Variants in LGSN observed in about 807,000 individuals in gnomAD.
LGSN encodes the protein lengsin.
A neutral mutation model predicts 19.5 loss-of-function variants in LGSN; 21 were observed. That is an observed-to-expected ratio of 1.07 (90% CI 0.76 to 1.55). The LOEUF is 1.55. LGSN is among the 40% of genes most tolerant of loss of function. LGSN has a pLI of 0.00. For missense variants in LGSN, 673 were observed against 608.5 expected (o/e 1.11, Z -1.12); for synonymous variants, 257 against 215.6 (o/e 1.19, Z -1.68).
the LGSN span, among the ~76,000 whole-genome samples, chr6:63,479,604 G>T: frequency 6.6e-6 from 1 of 152,092 alleles, no homozygotes; most frequent in Admixed American, 6.6e-5. Flanking sequence ...GCTGAGCATG[G>T]TGGTGGGCAC....
the LGSN span, among the ~76,000 whole-genome samples, chr6:63,491,821 A>G: frequency 6.6e-6 from 1 of 152,210 alleles, no homozygotes; most frequent in African/African-American, 2.4e-5. Context: ...TCCTGAGGTC[A>G]GAAGTTCAAG....
chr6:63,556,338 C>CT, the LGSN span, among the ~76,000 whole-genome samples: 1 of 151,400 alleles, frequency 6.6e-6, no homozygotes, highest in East Asian at 2.0e-4. Flanking sequence ...TTTTTCTTGC[C>CT]TTTTTCTTTT....
the LGSN span, among the ~76,000 whole-genome samples, chr6:63,412,509 A>AGAAG: frequency 1.7e-5 from 2 of 116,964 alleles, no homozygotes; most frequent in East Asian, 2.5e-4. Flanking sequence ...AAAGAAAGAA[A>AGAAG]GAAAGAAAGA....
At chr6:63,322,728 A>G (rs187196794), upstream of LGSN, among the ~76,000 whole-genome samples, 214 of 152,324 alleles carry the variant, frequency 1.4e-3, no homozygotes, top group African/African-American at 4.8e-3. Context: ...CTTCCCAGAA[A>G]TACCTCATTT....
the LGSN span, among the ~76,000 whole-genome samples, chr6:63,550,827 T>C: frequency 1.3e-5 from 2 of 152,172 alleles, no homozygotes; most frequent in Admixed American, 1.3e-4. Flanking sequence ...GATTTCACCA[T>C]GTTGGCCAGG....
the LGSN span, among the ~76,000 whole-genome samples, chr6:63,334,917 T>A: frequency 2.6e-5 from 4 of 151,624 alleles, no homozygotes; most frequent in African/African-American, 7.3e-5. Flanking sequence ...GGAGGATGGA[T>A]CACAAGGTCA....
chr6:63,463,794 C>T, the LGSN span, among the ~76,000 whole-genome samples: 1 of 152,058 alleles, frequency 6.6e-6, no homozygotes, highest in Non-Finnish European at 1.5e-5. Context: ...TTTAATAGTG[C>T]TTTGTAGTAT....
At chr6:63,384,290 C>T in the LGSN span, among the ~76,000 whole-genome samples, 1 of 152,128 alleles carries the variant, frequency 6.6e-6, no homozygotes, top group Non-Finnish European at 1.5e-5. Context: ...ATAATTATGA[C>T]CCCAGTTGTT....
chr6:63,498,374 G>C, the LGSN span, among the ~76,000 whole-genome samples: 1 of 152,028 alleles, frequency 6.6e-6, no homozygotes, highest in Admixed American at 6.6e-5. Flanking sequence ...CCTGGTCAGA[G>C]CAACCTTGCC....
rs1487899076 is a variant in LGSN at position 63,277,321 on chromosome 6, G to C, written c.*2700C>G. On this transcript the variant is annotated 3_prime_UTR_variant, in exon 4 of 4. Transcript: ENST00000370657. ...TATGCCACTTTATAGGGATGGGTTA[G>C]AGCCAATCCCATTTTTTGGATGTGT... 1 of 152,138 alleles carries C rather than the reference G, an allele frequency of 6.6e-6. No individual in the cohort carries two copies. Among genetic ancestry groups the C allele is most frequent in the Middle Eastern group, 3.2e-3 (1 of 316 alleles). 9.4% of individuals were successfully genotyped at this position (152,138 alleles called of 1,614,324 possible). A position where few individuals can be genotyped will look rare whatever the true frequency, so the allele number is the denominator to read the frequency against.
chr6:63,398,922 AG>A, the LGSN span, among the ~76,000 whole-genome samples: 2 of 152,088 alleles, frequency 1.3e-5, no homozygotes, highest in African/African-American at 4.8e-5. Flanking sequence ...CTCAGACTTC[AG>A]CCTCCCAAGT....
At chr6:63,365,896 T>C in the LGSN span, among the ~76,000 whole-genome samples, 1 of 152,254 alleles carries the variant, frequency 6.6e-6, no homozygotes, top group South Asian at 2.1e-4. Flanking sequence ...CAGAGCTTCA[T>C]GCTAAAAACT....
the LGSN span, among the ~76,000 whole-genome samples, chr6:63,513,806 G>C: frequency 6.6e-6 from 1 of 151,248 alleles, no homozygotes; most frequent in Non-Finnish European, 1.5e-5. Flanking sequence ...AGCTGCTCGC[G>C]GGGCTGAGGC....
At chr6:63,514,348 T>A in the LGSN span, among the ~76,000 whole-genome samples, 1 of 152,168 alleles carries the variant, frequency 6.6e-6, no homozygotes, top group Non-Finnish European at 1.5e-5. Flanking sequence ...CTGCCTCAGA[T>A]CCCTGAACAG....
At chr6:63,456,524 T>C in the LGSN span, among the ~76,000 whole-genome samples, 1 of 150,854 alleles carries the variant, frequency 6.6e-6, no homozygotes, top group Admixed American at 6.6e-5. Flanking sequence ...ACACAAACGA[T>C]CTTCTTGTTT....
At chr6:63,429,714 G>A in the LGSN span, among the ~76,000 whole-genome samples, 1 of 146,468 alleles carries the variant, frequency 6.8e-6, no homozygotes, top group South Asian at 2.2e-4. Flanking sequence ...TGAACTCCAT[G>A]GACAGAGCAA....
At chr6:63,572,571 C>T in the LGSN span, 3 of 413,558 alleles carry the variant, frequency 7.3e-6, no homozygotes, top group East Asian at 3.5e-5. Flanking sequence ...AGTCTGGTGC[C>T]CCCGCCGCCG....
the LGSN span, among the ~76,000 whole-genome samples, chr6:63,390,859 C>CAA: frequency 3.6e-4 from 18 of 50,434 alleles, no homozygotes; most frequent in African/African-American, 6.9e-4. Context: ...GACTCCATCT[C>CAA]AAAAAAAAAA....
the LGSN span, among the ~76,000 whole-genome samples, chr6:63,429,950 G>A: frequency 5.2e-4 from 79 of 152,102 alleles, no homozygotes; most frequent in African/African-American, 1.7e-3. Flanking sequence ...GAGGAATAAA[G>A]GGAACTGTTC....
Sources: gnomAD v4.1 joint callset for allele counts (sites outside exome capture counted in the v4.1 genomes callset) on GRCh38, gnomAD v4.1.1 for gene constraint, MANE v1.5 for transcripts, NCBI Gene and HGNC (gene_info 2026-07-23, HGNC 2026-07-21) for gene names.